Variants in SLC16A10 observed in about 807,000 individuals in gnomAD.
The protein encoded by SLC16A10 is solute carrier family 16 member 10.
A neutral mutation model predicts 40.0 loss-of-function variants in SLC16A10; 27 were observed. That is an observed-to-expected ratio of 0.67 (90% CI 0.50 to 0.93). The LOEUF (loss-of-function observed/expected upper bound fraction) is 0.93. SLC16A10 is among the 40% of genes least tolerant of loss of function. SLC16A10 has a pLI of 0.00. For missense variants in SLC16A10, 529 were observed against 658.2 expected, an observed-to-expected ratio of 0.80 and a Z score of 2.15; for synonymous variants, 213 against 249.8, an observed-to-expected ratio of 0.85 and a Z score of 1.39.
Position 111,131,127 on chromosome 6 carries a change from C to G in SLC16A10, c.344-41568C>G, listed in dbSNP as rs544916864. Among the ~76,000 whole-genome samples the G allele has an allele frequency of 3.9e-3, 591 of 152,364 alleles. 1 individual carries two copies. Among genetic ancestry groups the G allele is most frequent in the Non-Finnish European group, 6.9e-3 (470 of 68,040 alleles). ...TGTGTTTGTTATGGCTCAAGCTGAG[C>G]TTTCGCTCGCTGTCCACCACTGCTG... On this transcript the variant is annotated intron_variant, in intron 1 of 5. Transcript: ENST00000368851.
At chr6:111,219,123 T>A in intron 5 of SLC16A10, 81 bp downstream of exon 5, 1 of 1,244,420 alleles carries the variant, frequency 8.0e-7, no homozygotes, top group Non-Finnish European at 1.1e-6. Flanking sequence ...CATTTATATG[T>A]AAAACATATT....
At chr6:111,132,535 A>G (rs1443019702) in intron 1 of SLC16A10, among the ~76,000 whole-genome samples, 2 of 152,244 alleles carry the variant, frequency 1.3e-5, no homozygotes, top group African/African-American at 2.4e-5. Context: ...CTAAAAGTAG[A>G]AAAATAACTT....
At chr6:111,151,398 C>T (rs578161306) in intron 1 of SLC16A10, among the ~76,000 whole-genome samples, 4 of 152,306 alleles carry the variant, frequency 2.6e-5, no homozygotes, top group Admixed American at 1.3e-4. Context: ...CCTATTGCCA[C>T]TCCCTTCATC....
chr6:111,121,177 G>A (rs558807860), intron 1 of SLC16A10, among the ~76,000 whole-genome samples: 60 of 152,180 alleles, frequency 3.9e-4, no homozygotes, highest in African/African-American at 1.3e-3. Flanking sequence ...GTAATGACAC[G>A]TGTGCCTCTT....
At position 111,222,487 on chromosome 6, in the gene SLC16A10, A is replaced by G. The variant is rs1770918986; in HGVS notation, c.*252A>G. 1 of 376,920 alleles carries G rather than the reference A, an allele frequency of 2.7e-6. No individual in the cohort carries two copies. Among genetic ancestry groups the G allele is most frequent in the African/African-American group, 2.2e-5 (1 of 46,018 alleles). The allele number at this position is 376,920 out of a possible 1,614,324, so 23.3% of individuals were successfully genotyped here. The stretch of plus-strand genomic sequence containing the variant: ...AAAGTCACATATTGTGAAAATTTGA[A>G]GCTATCTCAGTAAAAAGCAGCTTTG... On this transcript the variant is annotated 3_prime_UTR_variant, in exon 6 of 6. Transcript: ENST00000368851.
chr6:111,114,088 C>T (rs1256198351), intron 1 of SLC16A10, among the ~76,000 whole-genome samples: 1 of 152,132 alleles, frequency 6.6e-6, no homozygotes, highest in Non-Finnish European at 1.5e-5. Flanking sequence ...CTCTTCTCTC[C>T]CTCTTTTTTT....
At chr6:111,217,481 G>A (rs1236229686) in intron 4 of SLC16A10, among the ~76,000 whole-genome samples, 2 of 151,958 alleles carry the variant, frequency 1.3e-5, no homozygotes, top group South Asian at 2.1e-4. Context: ...ACGGAGTCTC[G>A]CTCTGTCGCC....
intron 1 of SLC16A10, among the ~76,000 whole-genome samples, chr6:111,138,496 G>A (rs961021887): frequency 6.6e-6 from 1 of 152,208 alleles, no homozygotes; most frequent in Non-Finnish European, 1.5e-5. Flanking sequence ...CCAGCTCTGT[G>A]GCCCTTTGGA....
At chr6:111,127,705 C>T (rs991351752) in intron 1 of SLC16A10, among the ~76,000 whole-genome samples, 11 of 152,174 alleles carry the variant, frequency 7.2e-5, no homozygotes, top group African/African-American at 2.4e-4. Context: ...CGTATTTTTG[C>T]AGCAGTCATC....
intron 1 of SLC16A10, among the ~76,000 whole-genome samples, chr6:111,134,353 G>A (rs1025571474): frequency 2.6e-5 from 4 of 152,148 alleles, no homozygotes; most frequent in Admixed American, 1.3e-4. Context: ...CATTGACAAA[G>A]CATATCTCTC....
At chr6:111,191,228 T>A (rs1772985720) in intron 3 of SLC16A10, among the ~76,000 whole-genome samples, 1 of 152,152 alleles carries the variant, frequency 6.6e-6, no homozygotes, top group Non-Finnish European at 1.5e-5. Flanking sequence ...GTCCATGTGT[T>A]CTGATTGTTC....
chr6:111,093,317 A>G (rs886886475), intron 1 of SLC16A10, among the ~76,000 whole-genome samples: 1 of 152,118 alleles, frequency 6.6e-6, no homozygotes, highest in African/African-American at 2.4e-5. Flanking sequence ...CTTTAACGCA[A>G]CTCTACACTC....
chr6:111,154,098 A>G (rs1772225102), intron 1 of SLC16A10, among the ~76,000 whole-genome samples: 1 of 152,202 alleles, frequency 6.6e-6, no homozygotes, highest in Non-Finnish European at 1.5e-5. Context: ...AGAACAGTTT[A>G]TTATTTCCTC....
chr6:111,149,311 C>T (rs1772132015), intron 1 of SLC16A10, among the ~76,000 whole-genome samples: 1 of 152,202 alleles, frequency 6.6e-6, no homozygotes, highest in Admixed American at 6.5e-5. Context: ...CAGATCCAAT[C>T]TATTCCCAGG....
chr6:111,095,142 A>G (rs1771050874), intron 1 of SLC16A10, among the ~76,000 whole-genome samples: 4 of 152,252 alleles, frequency 2.6e-5, no homozygotes, highest in Admixed American at 2.0e-4. Context: ...CTGGCCCTCT[A>G]GCCTTGCCCC....
chr6:111,201,532 T>C (rs1332291975), intron 3 of SLC16A10, among the ~76,000 whole-genome samples: 1 of 152,224 alleles, frequency 6.6e-6, no homozygotes, highest in Non-Finnish European at 1.5e-5. Flanking sequence ...CTTTTTAAAC[T>C]ATGACTCCCC....
At chr6:111,126,024 T>A (rs1771668550) in intron 1 of SLC16A10, among the ~76,000 whole-genome samples, 1 of 152,134 alleles carries the variant, frequency 6.6e-6, no homozygotes, top group Non-Finnish European at 1.5e-5. Flanking sequence ...GCGGCTTTGT[T>A]CAAACACAGG....
chr6:111,221,315 A>G (rs1770889782), intron 5 of SLC16A10, among the ~76,000 whole-genome samples: 1 of 152,248 alleles, frequency 6.6e-6, no homozygotes, highest in Non-Finnish European at 1.5e-5. Context: ...CCAGGTACTT[A>G]TAAACCTTAG....
intron 3 of SLC16A10, among the ~76,000 whole-genome samples, chr6:111,194,207 G>C (rs942658022): frequency 6.6e-6 from 1 of 152,078 alleles, no homozygotes; most frequent in Non-Finnish European, 1.5e-5. Context: ...CTTTCTAATA[G>C]CACTTTATGT....
Sources: allele counts gnomAD v4.1 joint callset (sites outside exome capture counted in the v4.1 genomes callset), GRCh38; gene constraint gnomAD v4.1.1; transcripts MANE v1.5; gene names NCBI Gene and HGNC (gene_info 2026-07-23, HGNC 2026-07-21).